Variants in PRRC2C observed in about 807,000 individuals in gnomAD.
PRRC2C encodes proline rich coiled-coil 2C, also known as protein PRRC2C.
A neutral mutation model predicts 317.2 loss-of-function variants in PRRC2C; 72 were observed. The ratio of observed to expected loss-of-function variants is 0.23; its 90% CI spans 0.19 to 0.28. The LOEUF is 0.28. PRRC2C is among the 10% of genes least tolerant of loss of function. The pLI, the probability that PRRC2C is intolerant of heterozygous loss-of-function variation, is 1.00. For synonymous variants in PRRC2C, 1,296 were observed against 1,205.9 expected (o/e 1.07, Z -1.55); for missense variants, 3,074 against 3,459.7 (o/e 0.89, Z 2.80).
chr1:171,575,388 TC>T (rs1390481412), intron 25 of PRRC2C, among the ~76,000 whole-genome samples: 1 of 152,192 alleles, frequency 6.6e-6, no homozygotes, highest in African/African-American at 2.4e-5. Context: ...ACTAACTAGA[TC>T]AGCTCAAAAA....
At chr1:171,556,549 G>C (rs1046165287) in intron 18 of PRRC2C, among the ~76,000 whole-genome samples, 16 of 152,220 alleles carry the variant, frequency 1.1e-4, no homozygotes, top group African/African-American at 3.9e-4. Flanking sequence ...CTATTCAGCT[G>C]TCTTGGAATG....
chr1:171,549,803 A>T (rs751844899), intron 17 of PRRC2C, among the ~76,000 whole-genome samples: 1 of 152,236 alleles, frequency 6.6e-6, no homozygotes, highest in East Asian at 1.9e-4. Context: ...CTCAAGCAGT[A>T]TGCCCATCTC....
In PRRC2C at chr1:171,540,563, A is replaced by G. The variant is rs1463732938; in HGVS notation, c.3097A>G (p.Arg1033Gly). The change falls in exon 16 of 35, where the codon AGG becomes GGG. Residue 1033 changes from arginine (R) to glycine (G), a missense_variant. Coordinates refer to ENST00000647382, the MANE Select transcript of PRRC2C (RefSeq NM_001387844.1). Reference protein sequence around the residue: ...LRDMKEEREQRKEKEGEKAEK... With the variant: ...LRDMKEEREQGKEKEGEKAEK... Reference sequence around the variant, plus strand: ...AGATATGAAAGAGGAACGGGAACAGAGGAAGGAGAAAGAAGGAGAAAAGGC... The same window carrying G: ...AGATATGAAAGAGGAACGGGAACAGGGGAAGGAGAAAGAAGGAGAAAAGGC... The G allele has an allele frequency of 3.1e-6, 5 of 1,613,890 alleles. No homozygotes were observed. Among genetic ancestry groups the G allele is most frequent in the Admixed American group, 1.7e-5 (1 of 60,000 alleles).
Position 171,517,724 on chromosome 1 carries a change from A to G in PRRC2C, c.660A>G (p.Glu220=). The part of the protein sequence containing the change: ...SEQNDILKVV[E]KRIACGPPQA... ...AAAATGATATCCTCAAAGTGGTGGA[A>G]AAGAGGATAGCTTGTGGTCCTCCAC... Residue 220 remains glutamate (E), a synonymous_variant, in exon 6 of 35, where the codon GAA becomes GAG. Coordinates refer to ENST00000647382, the MANE Select transcript of PRRC2C (RefSeq NM_001387844.1). 7 of 1,613,784 alleles carry G rather than the reference A, an allele frequency of 4.3e-6. No individual in the cohort carries two copies. Among genetic ancestry groups the G allele is most frequent in the Non-Finnish European group, 5.9e-6 (7 of 1,179,854 alleles).
chr1:171,515,528 T>C (rs1406401732), intron 4 of PRRC2C, among the ~76,000 whole-genome samples: 1 of 152,242 alleles, frequency 6.6e-6, no homozygotes, highest in African/African-American at 2.4e-5. Flanking sequence ...GGTAGATTAC[T>C]GTCTTAGACT....
chr1:171,555,627 G>A (rs1031492893), intron 18 of PRRC2C, among the ~76,000 whole-genome samples: 2 of 152,158 alleles, frequency 1.3e-5, no homozygotes, highest in African/African-American at 4.8e-5. Flanking sequence ...CTTTGATGAT[G>A]GTGACCTACA....
chr1:171,587,380 A>G (rs1390018340), intron 31 of PRRC2C, among the ~76,000 whole-genome samples, 159 bp downstream of exon 31: 5 of 152,196 alleles, frequency 3.3e-5, no homozygotes. Context: ...TTTACTTTTA[A>G]TGTGTTTGGC....
intron 1 of PRRC2C, among the ~76,000 whole-genome samples, chr1:171,490,266 T>C (rs913632464): frequency 5.3e-5 from 8 of 152,208 alleles, no homozygotes; most frequent in African/African-American, 1.9e-4. Flanking sequence ...CCCCCCAACA[T>C]GTTTTAAAAT....
At chr1:171,521,426 C>T (rs1443485497) in intron 6 of PRRC2C, among the ~76,000 whole-genome samples, 1 of 152,184 alleles carries the variant, frequency 6.6e-6, no homozygotes, top group African/African-American at 2.4e-5. Flanking sequence ...CAAGTTCCTA[C>T]AGAGAACAGT....
intron 1 of PRRC2C, among the ~76,000 whole-genome samples, chr1:171,496,900 C>T (rs1166101249): frequency 6.6e-6 from 1 of 152,004 alleles, no homozygotes; most frequent in Non-Finnish European, 1.5e-5. Context: ...CTCCCAGGCT[C>T]AAGCGATCCT....
chr1:171,577,776 T>A (rs1056521236), intron 26 of PRRC2C, 139 bp downstream of exon 26: 5 of 702,696 alleles, frequency 7.1e-6, no homozygotes, highest in Non-Finnish European at 6.5e-6. Context: ...TTCGCATTTT[T>A]TTTTTTTTTT....
intron 9 of PRRC2C, among the ~76,000 whole-genome samples, chr1:171,524,031 ATC>A (rs1422984316): frequency 7.3e-6 from 1 of 136,262 alleles, no homozygotes; most frequent in Non-Finnish European, 1.7e-5. Flanking sequence ...GCAAGACTGT[ATC>A]TCAAAAAAAA....
At position 171,532,424 on chromosome 1, in the gene PRRC2C, A is replaced by C; in HGVS notation, c.1336A>C (p.Ile446Leu). Residue 446 changes from isoleucine to leucine, a missense_variant, in exon 12 of 35, where the codon ATA (isoleucine) becomes CTA (leucine). By Grantham distance (5) the Ile-to-Leu change is conservative. Coordinates refer to ENST00000647382, the MANE Select transcript of PRRC2C (RefSeq NM_001387844.1). ...GCAGCAAGTAGCTGATGAAGATGAA[A>C]TATGGAAGCAAAGACGAAGACAACA... Reference protein sequence around the residue: ...SKQQVADEDEIWKQRRRQQSE... With the variant: ...SKQQVADEDELWKQRRRQQSE... The C allele has an allele frequency of 6.2e-7, 1 of 1,613,988 alleles. No homozygotes were observed. The highest frequency in any genetic ancestry group is 8.5e-7 in the Non-Finnish European group (1 of 1,179,894).
At chr1:171,547,082 G>A (rs1482397257) in intron 17 of PRRC2C, among the ~76,000 whole-genome samples, 2 of 152,030 alleles carry the variant, frequency 1.3e-5, no homozygotes, top group Non-Finnish European at 2.9e-5. Context: ...AATTAGCCAG[G>A]CATGGTGGTG....
intron 11 of PRRC2C, 23 bp from the exon 12 acceptor site, chr1:171,532,320 C>A: frequency 6.3e-7 from 1 of 1,589,680 alleles, no homozygotes; most frequent in Non-Finnish European, 8.6e-7. Context: ...TGTCATAACT[C>A]ATCTGATACC....
rs1650193275 is a variant in PRRC2C at position 171,586,995 on chromosome 1, T to C, written c.7750-8T>C. On this transcript the variant is annotated splice_polypyrimidine_tract_variant and splice_region_variant and intron_variant, in intron 30 of 34. Transcript: ENST00000647382. ...AATTGCTTCAGTTTCTCTTTACTTATTTTCTAGGTTACAGTACCTTTACCA... is the reference window on the plus strand; with the variant it reads ...AATTGCTTCAGTTTCTCTTTACTTACTTTCTAGGTTACAGTACCTTTACCA... 3 of 1,577,308 alleles carry C rather than the reference T, an allele frequency of 1.9e-6. No individual in the cohort carries two copies. Among genetic ancestry groups the C allele is most frequent in the Non-Finnish European group, 2.6e-6 (3 of 1,154,392 alleles).
In PRRC2C at chr1:171,588,485, C is replaced by T; in HGVS notation, c.8179C>T (p.Pro2727Ser). 6.2e-7 allele frequency: 1 copy of T among 1,613,784 alleles called. No individual in the cohort carries two copies. Among genetic ancestry groups the T allele is most frequent in the Non-Finnish European group, 8.5e-7 (1 of 1,179,772 alleles). ...PATVRMTQPF[P>S]TQFAPQILSQ... ...CACTGTGAGAATGACACAACCATTT[C>T]CTACACAGTTTGCACCCCAGGTGGG... is the stretch of plus-strand genomic sequence containing the variant. The change falls in exon 33 of 35, where the codon CCT (proline) becomes TCT (serine). Residue 2727 changes from proline to serine, a missense_variant. Physicochemically the swap from Pro to Ser is moderately conservative, Grantham distance 74. This residue lies in a region of PRRC2C where 490 missense variants were observed against 663.1 expected (regional missense o/e 0.74). Coordinates refer to ENST00000647382, the MANE Select transcript of PRRC2C (RefSeq NM_001387844.1).
At chr1:171,545,777 T>A in intron 17 of PRRC2C, 90 bp downstream of exon 17, 2 of 908,976 alleles carry the variant, frequency 2.2e-6, no homozygotes, top group Non-Finnish European at 2.9e-6. Flanking sequence ...GATGCCACAA[T>A]TAAAGAAGTT....
At position 171,584,472 on chromosome 1, in the gene PRRC2C, G is replaced by T; in HGVS notation, c.7695G>T (p.Gln2565His). The change falls in exon 30 of 35, where the codon CAG (glutamine) becomes CAT (histidine). Residue 2565 changes from glutamine (Q) to histidine (H), a missense_variant. Gln to His is a conservative substitution (Grantham distance 24, BLOSUM62 0). Transcript: ENST00000647382. ...ASNLYSGQVQ[Q>H]PGQTNFYNTA... Reference sequence around the variant, plus strand: ...ATCTTTATTCTGGACAAGTACAACAGCCTGGTCAGACAAATTTTTATAACA... The same window carrying T: ...ATCTTTATTCTGGACAAGTACAACATCCTGGTCAGACAAATTTTTATAACA... The T allele has an allele frequency of 6.3e-7, 1 of 1,595,154 alleles. No individual in the cohort carries two copies. Among genetic ancestry groups the T allele is most frequent in the East Asian group, 2.3e-5 (1 of 44,204 alleles).
Sources: allele counts gnomAD v4.1 joint callset (sites outside exome capture counted in the v4.1 genomes callset), GRCh38; gene constraint gnomAD v4.1.1; regional missense constraint gnomAD v4.1.1; transcripts MANE v1.5; gene names NCBI Gene and HGNC (gene_info 2026-07-23, HGNC 2026-07-21).